Variants in RHPN2 observed in about 807,000 individuals in gnomAD.
RHPN2 encodes the protein rhophilin Rho GTPase binding protein 2.
In RHPN2, 40 loss-of-function variants were observed where a neutral mutation model predicts 79.0. The ratio of observed to expected loss-of-function variants is 0.51; its 90% CI spans 0.39 to 0.66. The LOEUF is 0.66. Among genes scored for constraint, RHPN2 ranks in the 30% least tolerant of loss-of-function variants. The pLI is 0.00. For synonymous variants in RHPN2, 285 were observed against 363.5 expected (o/e 0.78, Z 2.46); for missense variants, 686 against 883.5 (o/e 0.78, Z 2.83).
chr19:32,980,014 T>A lies in RHPN2; in HGVS notation c.2043A>T (p.Ser681=), dbSNP rs1393357793. ...CCTCACATTAGTACCAAGAACTGTC[T>A]GAGTTGAGAAGGCTGAAAGGGGAGG... ...KLPSPFSLLN[S]DSSWY The change falls in exon 15 of 15, where the codon TCA becomes TCT. Residue 681 remains serine (S), a synonymous_variant. Transcript: ENST00000254260. The A allele has an allele frequency of 1.9e-6, 3 of 1,613,818 alleles. No homozygotes were observed. The highest frequency in any genetic ancestry group is 8.5e-7 in the Non-Finnish European group (1 of 1,179,868).
intron 2 of RHPN2, among the ~76,000 whole-genome samples, chr19:33,031,672 T>C (rs1416211444): frequency 1.3e-5 from 2 of 151,910 alleles, no homozygotes; most frequent in Non-Finnish European, 1.5e-5. Flanking sequence ...ATATGCACCA[T>C]TGCGCCTGGC....
chr19:32,981,863 C>T (rs1468226591), intron 14 of RHPN2, among the ~76,000 whole-genome samples: 1 of 151,802 alleles, frequency 6.6e-6, no homozygotes, highest in Admixed American at 6.6e-5. Flanking sequence ...TCATCTTCCT[C>T]AGCTGAAACT....
At chr19:32,990,995 C>A (rs1399765902) in intron 13 of RHPN2, among the ~76,000 whole-genome samples, 1 of 150,062 alleles carries the variant, frequency 6.7e-6, no homozygotes, top group Admixed American at 6.7e-5. Context: ...TGCCACTGCC[C>A]TCCAGCCTGG....
At chr19:32,996,244 C>T (rs762273273) in intron 10 of RHPN2, 24 bp from the exon 11 acceptor site, 7 of 1,613,762 alleles carry the variant, frequency 4.3e-6, no homozygotes, top group Admixed American at 1.7e-5. Context: ...CCAGCACCCA[C>T]GTGACTTGCA....
At chr19:33,043,696 G>A (rs536261340) in intron 2 of RHPN2, among the ~76,000 whole-genome samples, 2 of 152,244 alleles carry the variant, frequency 1.3e-5, no homozygotes, top group African/African-American at 4.8e-5. Context: ...GTTTATAGAG[G>A]TCTAGACACA....
intron 1 of RHPN2, among the ~76,000 whole-genome samples, chr19:33,063,804 C>T (rs1055118980): frequency 7.3e-6 from 1 of 137,158 alleles, no homozygotes; most frequent in African/African-American, 3.2e-5. Context: ...GGCCGGCACC[C>T]GCCACCCGCC....
chr19:32,993,366 C>A (rs1411770309), intron 12 of RHPN2, among the ~76,000 whole-genome samples: 1 of 151,842 alleles, frequency 6.6e-6, no homozygotes, highest in Non-Finnish European at 1.5e-5. Context: ...CCCAACTACT[C>A]GGGAGGCTGA....
At chr19:33,049,450 T>G (rs1487426516) in intron 1 of RHPN2, among the ~76,000 whole-genome samples, 1 of 152,064 alleles carries the variant, frequency 6.6e-6, no homozygotes, top group East Asian at 1.9e-4. Context: ...ACAAAGCCGC[T>G]CTGAGACTGG....
At chr19:33,055,097 C>A (rs922146953) in intron 1 of RHPN2, among the ~76,000 whole-genome samples, 5 of 152,146 alleles carry the variant, frequency 3.3e-5, no homozygotes, top group African/African-American at 1.2e-4. Context: ...GTGATTCACA[C>A]CTGTAATAGC....
chr19:33,046,286 G>A (rs1972142329), intron 1 of RHPN2, among the ~76,000 whole-genome samples: 1 of 152,000 alleles, frequency 6.6e-6, no homozygotes, highest in African/African-American at 2.4e-5. Flanking sequence ...GTTTTTTTGA[G>A]ACAGAGGCTT....
intron 3 of RHPN2, among the ~76,000 whole-genome samples, chr19:33,025,412 G>A (rs1333330045): frequency 5.3e-5 from 8 of 152,010 alleles, no homozygotes; most frequent in Admixed American, 2.0e-4. Flanking sequence ...AACCCAGGAG[G>A]TGGAGATTGC....
intron 3 of RHPN2, among the ~76,000 whole-genome samples, chr19:33,022,055 C>T (rs1412510416): frequency 6.6e-6 from 1 of 152,156 alleles, no homozygotes; most frequent in East Asian, 1.9e-4. Context: ...ATTCTCCTGC[C>T]TCAGCCCCCC....
intron 7 of RHPN2, among the ~76,000 whole-genome samples, chr19:33,007,713 C>T (rs1971802994): frequency 6.6e-6 from 1 of 151,316 alleles, no homozygotes; most frequent in Admixed American, 6.6e-5. Flanking sequence ...CCATGTACAT[C>T]AGCCATCCCA....
chr19:33,011,953 G>T (rs369146249), intron 5 of RHPN2, 150 bp from the exon 6 acceptor site: 2 of 1,027,192 alleles, frequency 1.9e-6, no homozygotes, highest in Non-Finnish European at 1.5e-6. Flanking sequence ...TCTGGGAGGG[G>T]TGGAAAGAAC....
intron 14 of RHPN2, among the ~76,000 whole-genome samples, chr19:32,986,568 G>C (rs1210540647): frequency 1.3e-5 from 2 of 152,096 alleles, no homozygotes; most frequent in African/African-American, 4.8e-5. Context: ...GGCTAAGGTA[G>C]ATGGATCTCG....
chr19:32,990,071 C>G (rs1385747174), intron 14 of RHPN2, among the ~76,000 whole-genome samples: 1 of 150,990 alleles, frequency 6.6e-6, no homozygotes, highest in Non-Finnish European at 1.5e-5. Flanking sequence ...CACCACTGCA[C>G]TCCAGCCTGG....
chr19:32,980,395 G>T, intron 14 of RHPN2, 139 bp from the exon 15 acceptor site: 1 of 969,392 alleles, frequency 1.0e-6, no homozygotes, highest in Non-Finnish European at 1.6e-6. Flanking sequence ...ATCACTTGAG[G>T]TCAGGAGTTC....
chr19:33,026,223 C>T (rs1337369959), intron 3 of RHPN2, among the ~76,000 whole-genome samples: 4 of 151,778 alleles, frequency 2.6e-5, no homozygotes, highest in African/African-American at 7.3e-5. Flanking sequence ...GTGATCCACC[C>T]GCCTCAGCCT....
At chr19:33,001,529 TA>T (rs1971748911) in intron 9 of RHPN2, among the ~76,000 whole-genome samples, 1 of 151,890 alleles carries the variant, frequency 6.6e-6, no homozygotes. Flanking sequence ...TCTCTAACAA[TA>T]AAATAAAATA....
Sources: gnomAD v4.1 joint callset for allele counts (sites outside exome capture counted in the v4.1 genomes callset) on GRCh38, gnomAD v4.1.1 for gene constraint, MANE v1.5 for transcripts, NCBI Gene and HGNC (gene_info 2026-07-23, HGNC 2026-07-21) for gene names.